The following CPEB1 variants were observed in gnomAD, a reference collection of about 807,000 sequenced individuals.
CPEB1 encodes the protein cytoplasmic polyadenylation element binding protein 1.
CPEB1 carries 7 observed loss-of-function variants against 65.8 expected under a neutral mutation model. The ratio of observed to expected loss-of-function variants is 0.11; its 90% confidence interval spans 0.06 to 0.20. CPEB1 has a LOEUF of 0.20. Among genes scored for constraint, CPEB1 ranks in the 10% least tolerant of loss-of-function variants. CPEB1 has a pLI of 1.00. For synonymous variants in CPEB1, 262 were observed against 260.0 expected (o/e 1.01, Z -0.08); for missense variants, 551 against 712.2 (o/e 0.77, Z 2.58).
intron 3 of CPEB1, among the ~76,000 whole-genome samples, chr15:82,588,893 C>T (rs2042008608): frequency 6.6e-6 from 1 of 152,094 alleles, no homozygotes; most frequent in Admixed American, 6.6e-5. Context: ...AGGAGTCTAC[C>T]ATATGTTCTT....
intron 3 of CPEB1, among the ~76,000 whole-genome samples, chr15:82,608,356 A>G (rs1004537536): frequency 1.3e-5 from 2 of 152,132 alleles, no homozygotes; most frequent in African/African-American, 4.8e-5. Flanking sequence ...ATACAACCAC[A>G]TAAGTGGGGC....
At chr15:82,563,357 CT>C (rs71453394) in intron 4 of CPEB1, among the ~76,000 whole-genome samples, 1,922 of 91,986 alleles carry the variant, frequency 0.021, 19 homozygotes, top group Non-Finnish European at 0.027. Context: ...CATCTCTATT[CT>C]TTTTTTTTTT....
At chr15:82,619,214 C>A (rs1264005661) in intron 3 of CPEB1, among the ~76,000 whole-genome samples, 1 of 152,174 alleles carries the variant, frequency 6.6e-6, no homozygotes, top group Non-Finnish European at 1.5e-5. Flanking sequence ...AATTTTCTTT[C>A]ACCAAAATGA....
intron 4 of CPEB1, among the ~76,000 whole-genome samples, chr15:82,562,735 T>C (rs1022549019): frequency 2.2e-4 from 33 of 151,842 alleles, no homozygotes; most frequent in African/African-American, 7.7e-4. Context: ...CTCAGGAGGC[T>C]GAGGCAGGAG....
chr15:82,631,850 T>G (rs759358948), intron 1 of CPEB1, among the ~76,000 whole-genome samples: 3 of 151,840 alleles, frequency 2.0e-5, no homozygotes, highest in Non-Finnish European at 4.4e-5. Context: ...TCATCAGAAA[T>G]GCTGAGATGA....
At chr15:82,616,209 T>C (rs959995129) in intron 3 of CPEB1, among the ~76,000 whole-genome samples, 1 of 152,092 alleles carries the variant, frequency 6.6e-6, no homozygotes, top group Non-Finnish European at 1.5e-5. Context: ...GATTTGAGCT[T>C]GAGAGCATGA....
chr15:82,643,950 T>C (rs1052172291), intron 1 of CPEB1, among the ~76,000 whole-genome samples: 5 of 152,226 alleles, frequency 3.3e-5, no homozygotes, highest in African/African-American at 1.2e-4. Flanking sequence ...AAAACAATTA[T>C]ATAATTTCAA....
At chr15:82,617,991 C>T in intron 3 of CPEB1, among the ~76,000 whole-genome samples, 1 of 151,654 alleles carries the variant, frequency 6.6e-6, no homozygotes. Context: ...CCTCGGCCTC[C>T]CAAAGTGCTG....
chr15:82,642,731 A>G (rs1280523061), intron 1 of CPEB1, among the ~76,000 whole-genome samples: 1 of 152,210 alleles, frequency 6.6e-6, no homozygotes, highest in Non-Finnish European at 1.5e-5. Context: ...AATTCTCCCC[A>G]GAGTCAGTAC....
At chr15:82,595,763 A>G (rs925828676) in intron 3 of CPEB1, among the ~76,000 whole-genome samples, 13 of 152,244 alleles carry the variant, frequency 8.5e-5, no homozygotes, top group Admixed American at 7.9e-4. Flanking sequence ...TTTAAAAAGC[A>G]TATCAACTAA....
At chr15:82,635,443 GAT>G (rs2046582056) in intron 1 of CPEB1, among the ~76,000 whole-genome samples, 1 of 152,196 alleles carries the variant, frequency 6.6e-6, no homozygotes, top group Non-Finnish European at 1.5e-5. Flanking sequence ...TTTGCTGAGA[GAT>G]GCTTCTCTGT....
At chr15:82,606,289 G>A (rs905145317) in intron 3 of CPEB1, among the ~76,000 whole-genome samples, 6 of 150,650 alleles carry the variant, frequency 4.0e-5, no homozygotes, top group Admixed American at 2.0e-4. Flanking sequence ...CCAACATGGC[G>A]AAACCTTGTC....
At chr15:82,616,693 G>A (rs2044747084) in intron 3 of CPEB1, among the ~76,000 whole-genome samples, 1 of 151,906 alleles carries the variant, frequency 6.6e-6, no homozygotes, top group Non-Finnish European at 1.5e-5. Context: ...CAGGTGCATG[G>A]CACCACGCCT....
At chr15:82,564,095 T>C (rs2038698528) in intron 4 of CPEB1, among the ~76,000 whole-genome samples, 1 of 152,166 alleles carries the variant, frequency 6.6e-6, no homozygotes, top group Non-Finnish European at 1.5e-5. Flanking sequence ...CAACCAAGCA[T>C]ACCAAGACCA....
chr15:82,564,161 G>T (rs934738182), intron 4 of CPEB1, among the ~76,000 whole-genome samples: 4 of 152,184 alleles, frequency 2.6e-5, no homozygotes, highest in African/African-American at 9.7e-5. Context: ...AAAAGCAGGT[G>T]AACAATGACT....
intron 4 of CPEB1, among the ~76,000 whole-genome samples, chr15:82,564,201 G>A (rs770166696): frequency 5.3e-5 from 8 of 152,194 alleles, no homozygotes; most frequent in Non-Finnish European, 1.0e-4. Flanking sequence ...CAGAGAGTAC[G>A]TATTCCATAG....
intron 3 of CPEB1, among the ~76,000 whole-genome samples, chr15:82,600,640 A>C (rs867450953): frequency 6.6e-6 from 1 of 152,194 alleles, no homozygotes; most frequent in African/African-American, 2.4e-5. Flanking sequence ...TGAAAGCACT[A>C]ATTTCTTAGA....
At chr15:82,611,035 A>T (rs2044108514) in intron 3 of CPEB1, among the ~76,000 whole-genome samples, 1 of 151,452 alleles carries the variant, frequency 6.6e-6, no homozygotes, top group Non-Finnish European at 1.5e-5. Context: ...GCTCCTACAA[A>T]AACACCCACA....
At chr15:82,582,453 T>C (rs780820233) in intron 3 of CPEB1, among the ~76,000 whole-genome samples, 1 of 152,120 alleles carries the variant, frequency 6.6e-6, no homozygotes, top group South Asian at 2.1e-4. Flanking sequence ...TTCCTCGCCA[T>C]CCCGTCTTTT....
Sources: gnomAD v4.1 joint callset for allele counts (sites outside exome capture counted in the v4.1 genomes callset) on GRCh38, gnomAD v4.1.1 for gene constraint, MANE v1.5 for transcripts, NCBI Gene and HGNC (gene_info 2026-07-23, HGNC 2026-07-21) for gene names.